Variants in KAT6A observed in about 807,000 individuals in gnomAD.
KAT6A encodes the protein lysine acetyltransferase 6A.
KAT6A carries 9 observed loss-of-function variants against 198.4 expected under a neutral mutation model. That is an observed-to-expected ratio of 0.05 (90% confidence interval 0.03 to 0.08). KAT6A has a LOEUF of 0.08. Ranked by LOEUF, KAT6A falls within the 10% of genes least tolerant of loss-of-function variation. The pLI is 1.00. For synonymous variants in KAT6A, 890 were observed against 883.0 expected (o/e 1.01, Z -0.14); for missense variants, 2,077 against 2,509.9 (o/e 0.83, Z 3.69).
At chr8:41,981,793 TCTA>T (rs1554689539) in intron 4 of KAT6A, 43 bp downstream of exon 4, 1 of 1,158,228 alleles carries the variant, frequency 8.6e-7, no homozygotes, top group Non-Finnish European at 1.3e-6. Flanking sequence ...GGTCGTACAT[TCTA>T]CTACTAAATG....
At chr8:42,014,495 T>C (rs892419696) in intron 2 of KAT6A, among the ~76,000 whole-genome samples, 1 of 152,230 alleles carries the variant, frequency 6.6e-6, no homozygotes, top group African/African-American at 2.4e-5. Context: ...GGCTATGCTC[T>C]CTTTTAAAAC....
chr8:41,943,079 G>GTGAA lies in KAT6A; in HGVS notation c.2229-83_2229-80dup, dbSNP rs1286236917. ...AATGAATGTGGAGATGAGACCCCTGGTGAAGCATGTAAGATGATAGGTGCT... is the reference window on the plus strand; with the variant it reads ...AATGAATGTGGAGATGAGACCCCTGGTGAATGAAGCATGTAAGATGATAGGTGCT... On this transcript the variant is annotated intron_variant, in intron 13 of 16. Transcript: ENST00000265713. 17 of 1,561,982 alleles carry GTGAA rather than the reference G, an allele frequency of 1.1e-5. No individual in the cohort carries two copies. In the Admixed American group the frequency reaches 2.8e-4, roughly 26 times the overall value.
intron 2 of KAT6A, among the ~76,000 whole-genome samples, chr8:42,037,002 ACT>A (rs1827411815): frequency 6.6e-6 from 1 of 152,004 alleles, no homozygotes. Flanking sequence ...CTGTCTTCTG[ACT>A]CTCTTAGCCA....
chr8:42,003,533 G>C (rs1162251716), intron 2 of KAT6A, among the ~76,000 whole-genome samples: 1 of 148,160 alleles, frequency 6.7e-6, no homozygotes, highest in African/African-American at 2.5e-5. Context: ...TTTCCATTTT[G>C]CATTTCAGTT....
chr8:41,994,187 A>C (rs11995024), intron 2 of KAT6A, among the ~76,000 whole-genome samples: 4,267 of 152,290 alleles, frequency 0.028, 195 homozygotes, highest in African/African-American at 0.095. Flanking sequence ...AAAAGAAAAA[A>C]GGTTGTAGCA....
At chr8:42,003,952 T>A (rs1256634522) in intron 2 of KAT6A, among the ~76,000 whole-genome samples, 1 of 152,200 alleles carries the variant, frequency 6.6e-6, no homozygotes, top group East Asian at 1.9e-4. Context: ...TCCAGAATTG[T>A]AAGAAAACAA....
rs140666969 is a variant in KAT6A, at chr8:41,932,619, C to A, written c.5601G>T (p.Ala1867=). 37 of 1,613,882 alleles carry A rather than the reference C, an allele frequency of 2.3e-5. No individual in the cohort carries two copies. The East Asian group carries it at 7.1e-4, about 31-fold the overall frequency. Residue 1867 remains alanine (A), a synonymous_variant, in exon 17 of 17, where the codon GCG becomes GCT. Transcript: ENST00000265713. ...IRSKSAPLPS[A]AAHQQQLYGR... ...CATACAGCTGCTGCTGGTGAGCAGC[C>A]GCAGAGGGCAGTGGCGCAGACTTGG... is the stretch of plus-strand genomic sequence containing the variant.
At chr8:41,981,791 A>G (rs377427927) in intron 4 of KAT6A, 48 bp downstream of exon 4, 2 of 1,139,826 alleles carry the variant, frequency 1.8e-6, no homozygotes, top group Non-Finnish European at 2.7e-6. Context: ...CTGGTCGTAC[A>G]TTCTACTACT....
intron 2 of KAT6A, among the ~76,000 whole-genome samples, chr8:42,038,834 C>CT (rs1039986674): frequency 4.0e-5 from 6 of 151,536 alleles, no homozygotes; most frequent in South Asian, 2.1e-4. Context: ...CCTTAGCAGT[C>CT]TTTTTTTTTC....
rs554039073 is a variant in KAT6A, at chr8:41,951,183, A to C, written c.1599-1820T>G. On this transcript the variant is annotated intron_variant, in intron 9 of 16. Transcript: ENST00000265713. ...TTTATTGATGATTAAAAAAAAAAAA[A>C]CAAAACTTTAGTGAACCTTATTATG... Among the ~76,000 whole-genome samples the C allele has an allele frequency of 7.0e-3, 1,057 of 152,044 alleles. 14 individuals are homozygous for C. The highest frequency in any genetic ancestry group is 0.025 in the African/African-American group (1,020 of 41,518).
intron 2 of KAT6A, among the ~76,000 whole-genome samples, chr8:42,021,069 T>C (rs1019155787): frequency 1.4e-4 from 21 of 152,104 alleles, no homozygotes; most frequent in African/African-American, 4.6e-4. Context: ...AAGAGAGATA[T>C]ACTGTTACTT....
chr8:41,966,930 A>G (rs1823520472), intron 8 of KAT6A, among the ~76,000 whole-genome samples: 1 of 152,178 alleles, frequency 6.6e-6, no homozygotes, highest in African/African-American at 2.4e-5. Context: ...AAGTCACTGA[A>G]CTAATAGTGT....
Position 41,947,053 on chromosome 8 carries a change from T to C in KAT6A, c.1903-369A>G, listed in dbSNP as rs192414715. ...TCTAGAAGTGAGAAGACTCATTAAT[T>C]ATGTCAGAGTTTTCTTTCTCTCCTG... is the stretch of plus-strand genomic sequence containing the variant. On this transcript the variant is annotated intron_variant, in intron 11 of 16. Coordinates refer to ENST00000265713, the MANE Select transcript of KAT6A (RefSeq NM_006766.5). Among the ~76,000 whole-genome samples the C allele has an allele frequency of 1.6e-3, 242 of 152,322 alleles. 1 individual carries two copies. The highest frequency in any genetic ancestry group is 6.8e-3 in the Middle Eastern group (2 of 294).
intron 2 of KAT6A, among the ~76,000 whole-genome samples, chr8:42,008,376 C>T (rs533262400): frequency 2.8e-4 from 42 of 152,240 alleles, no homozygotes; most frequent in African/African-American, 9.9e-4. Flanking sequence ...CTCACTCTGT[C>T]GCCCAGGCTG....
At chr8:41,981,019 G>T (rs1358540267) in intron 4 of KAT6A, 92 bp from the exon 5 acceptor site, 4 of 911,564 alleles carry the variant, frequency 4.4e-6, no homozygotes, top group Non-Finnish European at 7.1e-6. Flanking sequence ...AAGCTTCAGG[G>T]ATCTTAAAAA....
chr8:41,980,655 C>A (rs1349155160), intron 5 of KAT6A, among the ~76,000 whole-genome samples, 191 bp downstream of exon 5: 2 of 152,226 alleles, frequency 1.3e-5, no homozygotes, highest in Middle Eastern at 3.2e-3. Flanking sequence ...AAATCCGTAT[C>A]ATGTAAGAAT....
chr8:42,010,559 T>A (rs1564063485), intron 2 of KAT6A, among the ~76,000 whole-genome samples: 1 of 152,210 alleles, frequency 6.6e-6, no homozygotes, highest in East Asian at 1.9e-4. Flanking sequence ...TAGGCAAGTC[T>A]CTTCACGATT....
chr8:41,985,656 G>A (rs1564042985), intron 3 of KAT6A, among the ~76,000 whole-genome samples: 1 of 152,164 alleles, frequency 6.6e-6, no homozygotes, highest in East Asian at 1.9e-4. Context: ...CTTCCAGATA[G>A]AGGCAGACAC....
At chr8:42,009,842 G>T (rs781317408) in intron 2 of KAT6A, among the ~76,000 whole-genome samples, 9 of 139,476 alleles carry the variant, frequency 6.5e-5, no homozygotes, top group Non-Finnish European at 1.2e-4. Context: ...AGAGGCTACA[G>T]TGAGCCATGA....
Sources: allele counts gnomAD v4.1 joint callset (sites outside exome capture counted in the v4.1 genomes callset), GRCh38; gene constraint gnomAD v4.1.1; transcripts MANE v1.5; gene names NCBI Gene and HGNC (gene_info 2026-07-23, HGNC 2026-07-21).